KHDC1: variants seen among roughly 807,000 people sequenced by gnomAD.
KHDC1 encodes KH homology domain-containing protein 1.
KHDC1 carries 21 observed loss-of-function variants against 24.7 expected under a neutral mutation model. That is an observed-to-expected ratio of 0.85 (90% CI 0.60 to 1.23). The LOEUF (loss-of-function observed/expected upper bound fraction) is 1.23. Among genes scored for constraint, KHDC1 ranks in the 50% most tolerant of loss-of-function variants. KHDC1 has a pLI of 0.00. For missense variants in KHDC1, 274 were observed against 298.5 expected, an observed-to-expected ratio of 0.92 and a Z score of 0.61; for synonymous variants, 98 against 111.7, an observed-to-expected ratio of 0.88 and a Z score of 0.77.
Position 73,292,987 on chromosome 6 carries a change from G to C in KHDC1, c.164-947C>G. The C allele has an allele frequency of 3.2e-6, 3 of 949,260 alleles. No homozygotes were observed. The South Asian group carries it at 3.9e-5, about 12-fold the overall frequency. 58.8% of individuals were successfully genotyped at this position (949,260 alleles called of 1,614,324 possible). A position where few individuals can be genotyped will look rare whatever the true frequency, so the allele number is the denominator to read the frequency against. On this transcript the variant is annotated intron_variant, in intron 1 of 4. Transcript: ENST00000370384. ...TTGAGACTTTCTGTCACATCCACCA[G>C]TGTATCAGCATTAACATGTTGGCAG... is the stretch of plus-strand genomic sequence containing the variant.
Position 73,306,924 on chromosome 6 carries a change from G to A in KHDC1, c.163+2628C>T, listed in dbSNP as rs535420612. 3.9e-5 allele frequency among the ~76,000 whole-genome samples: 6 copies of A among 152,158 alleles called. 1 individual carries two copies. In the South Asian group the frequency reaches 1.0e-3, roughly 26 times the overall value. Reference sequence around the variant, plus strand: ...CTCAGGAGACTGAGGCAGGAGAATCGCTTGAACCCAGGAGGCAGAGATGGC... The same window carrying A: ...CTCAGGAGACTGAGGCAGGAGAATCACTTGAACCCAGGAGGCAGAGATGGC... On this transcript the variant is annotated intron_variant, in intron 1 of 4. Transcript: ENST00000370384.
intron 2 of KHDC1, 31 bp from the exon 1 acceptor site, chr6:73,263,227 C>T (rs1209805219): frequency 4.1e-6 from 4 of 986,658 alleles, no homozygotes; most frequent in East Asian, 1.1e-4. Context: ...CGCGCGGCTG[C>T]GGCGCGGGAA....
chr6:73,283,937 A>G (rs1767466390), intron 2 of KHDC1, among the ~76,000 whole-genome samples: 1 of 151,980 alleles, frequency 6.6e-6, no homozygotes, highest in Non-Finnish European at 1.5e-5. Context: ...TCTCCAGCAC[A>G]TTGAAACCAC....
At chr6:73,292,464 C>G (rs1184661827) in intron 1 of KHDC1, 1 of 772,518 alleles carries the variant, frequency 1.3e-6, no homozygotes, top group African/African-American at 1.7e-5. Flanking sequence ...GCTGTAAGTT[C>G]ACTCTGGGGA....
chr6:73,265,525 T>C (rs1767063579), intron 2 of KHDC1, among the ~76,000 whole-genome samples: 1 of 59,634 alleles, frequency 1.7e-5, no homozygotes, highest in African/African-American at 6.6e-5. Flanking sequence ...CGAGACTCCG[T>C]CTCAAAAAAA....
chr6:73,267,747 A>G (rs1026781888), intron 2 of KHDC1, among the ~76,000 whole-genome samples: 3 of 152,240 alleles, frequency 2.0e-5, no homozygotes, highest in African/African-American at 7.2e-5. Context: ...CATTATTCAC[A>G]GTGGCCAAAA....
Position 73,302,946 on chromosome 6 carries a change from G to A in KHDC1, c.163+6606C>T, listed in dbSNP as rs180960561. Among the ~76,000 whole-genome samples, 472 of 152,150 alleles carry A rather than the reference G, an allele frequency of 3.1e-3. 2 individuals carry two copies. Among genetic ancestry groups the A allele is most frequent in the African/African-American group, 0.011 (450 of 41,494 alleles). On this transcript the variant is annotated intron_variant, in intron 1 of 4. Transcript: ENST00000370384. The stretch of plus-strand genomic sequence containing the variant: ...ACAAAAATTAGCTGGGTGTGATGGC[G>A]CACGCCTGTAATCCCAGCTACTCTG...
chr6:73,308,070 ATT>A (rs35521120), intron 1 of KHDC1, among the ~76,000 whole-genome samples: 11,185 of 111,792 alleles, frequency 0.1, 697 homozygotes, highest in African/African-American at 0.2. Context: ...GGCCCAGCTA[ATT>A]TTTTTTTTTT....
At chr6:73,309,402 GT>G in intron 1 of KHDC1, 34 of 742,390 alleles carry the variant, frequency 4.6e-5, no homozygotes, top group Non-Finnish European at 5.4e-5. Context: ...CACACCCAGG[GT>G]TTTTTTTAAC....
At chr6:73,241,911 G>T in intron 4 of KHDC1, 144 bp downstream of exon 3, 1 of 1,076,682 alleles carries the variant, frequency 9.3e-7, no homozygotes, top group Non-Finnish European at 1.3e-6. Context: ...AAAAAAAGAT[G>T]AGCACTTTTC....
intron 2 of KHDC1, among the ~76,000 whole-genome samples, chr6:73,272,862 CTT>C (rs1290318722): frequency 9.2e-5 from 10 of 108,956 alleles, no homozygotes; most frequent in Admixed American, 1.8e-4. Flanking sequence ...TTTTCTTTTT[CTT>C]TTTTTTTTTT....
intron 2 of KHDC1, chr6:73,270,432 C>T (rs1029226404): frequency 1.3e-5 from 2 of 152,012 alleles, no homozygotes; most frequent in African/African-American, 4.8e-5. Flanking sequence ...GATTTTGCGA[C>T]TACACTCCAA....
chr6:73,306,277 C>G (rs1181877299), intron 1 of KHDC1, among the ~76,000 whole-genome samples: 1 of 152,034 alleles, frequency 6.6e-6, no homozygotes, highest in Non-Finnish European at 1.5e-5. Flanking sequence ...TTGGAGGCTG[C>G]TACCTCTAGA....
intron 2 of KHDC1, among the ~76,000 whole-genome samples, chr6:73,282,770 C>T (rs1428422449): frequency 6.6e-6 from 1 of 152,130 alleles, no homozygotes; most frequent in African/African-American, 2.4e-5. Flanking sequence ...GTGCAAGAGG[C>T]TTTAATTCCC....
intron 2 of KHDC1, among the ~76,000 whole-genome samples, chr6:73,291,496 TTTAA>T (rs1280249721): frequency 6.6e-6 from 1 of 152,180 alleles, no homozygotes; most frequent in East Asian, 1.9e-4. Flanking sequence ...CACTTTTTTT[TTTAA>T]TTCTTCGTAG....
intron 1 of KHDC1, among the ~76,000 whole-genome samples, chr6:73,309,268 T>C (rs1768035040): frequency 6.6e-6 from 1 of 152,228 alleles, no homozygotes; most frequent in African/African-American, 2.4e-5. Context: ...GGAGCTGGCC[T>C]GGGATTCCTG....
intron 2 of KHDC1, among the ~76,000 whole-genome samples, chr6:73,246,665 G>T (rs149099124): frequency 6.6e-6 from 1 of 152,152 alleles, no homozygotes; most frequent in East Asian, 1.9e-4. Flanking sequence ...TAAACAAGAA[G>T]ATTTTTTAAC....
chr6:73,307,402 C>T (rs1435788046), intron 1 of KHDC1, among the ~76,000 whole-genome samples: 2 of 151,928 alleles, frequency 1.3e-5, no homozygotes, highest in African/African-American at 2.4e-5. Context: ...TCCAGCCTGG[C>T]GACAGAGCGA....
chr6:73,241,702 T>G (rs1182897023), exon 5 of KHDC1: 1 of 1,614,044 alleles, frequency 6.2e-7, no homozygotes, highest in African/African-American at 1.3e-5. Flanking sequence ...AGAGGCTGGC[T>G]TCGGACACGT....
Sources: gnomAD v4.1 joint callset for allele counts (sites outside exome capture counted in the v4.1 genomes callset) on GRCh38, gnomAD v4.1.1 for gene constraint, MANE v1.5 for transcripts, NCBI Gene and HGNC (gene_info 2026-07-23, HGNC 2026-07-21) for gene names.